DDO: variants seen among roughly 807,000 people sequenced by gnomAD.
DDO encodes D-aspartate oxidase, DDO.
A neutral mutation model predicts 16.8 loss-of-function variants in DDO; 16 were observed. That is an observed-to-expected ratio of 0.95 (90% CI 0.65 to 1.45). The LOEUF is 1.45. Among genes scored for constraint, DDO ranks in the 40% most tolerant of loss-of-function variants. DDO has a pLI of 0.00. For synonymous variants in DDO, 180 were observed against 167.2 expected (o/e 1.08, Z -0.59); for missense variants, 429 against 420.3 (o/e 1.02, Z -0.18).
intron 2 of DDO, among the ~76,000 whole-genome samples, chr6:110,410,095 G>A (rs942734734): frequency 1.4e-4 from 21 of 152,228 alleles, no homozygotes; most frequent in African/African-American, 4.8e-4. Context: ...TCTCCATATG[G>A]TATTGACATT....
intron 2 of DDO, among the ~76,000 whole-genome samples, chr6:110,411,353 C>T (rs151013858): frequency 1.8e-4 from 27 of 152,094 alleles, no homozygotes; most frequent in African/African-American, 6.3e-4. Context: ...AAACCTCTAT[C>T]ATGAAAAATG....
rs1773725987 is a variant in DDO, at chr6:110,408,320, A to G, written c.281+14T>C. 6.2e-7 allele frequency: 1 copy of G among 1,611,476 alleles called. No homozygotes were observed. On this transcript the variant is annotated intron_variant, in intron 3 of 4. Coordinates refer to ENST00000368924, the MANE Select transcript of DDO (RefSeq NM_001372108.2). ...ATGCTACACTCTAAAATAACTTCAA[A>G]TTTCTTCACTTACCCTGATACCAAA...
chr6:110,392,770 G>A lies in DDO; in HGVS notation c.*5C>T. 6.5e-7 allele frequency: 1 copy of A among 1,530,050 alleles called. No individual in the cohort carries two copies. The highest frequency in any genetic ancestry group is 8.8e-7 in the Non-Finnish European group (1 of 1,139,144). 94.8% of individuals were successfully genotyped at this position (1,530,050 alleles called of 1,614,324 possible). On this transcript the variant is annotated 3_prime_UTR_variant, in exon 5 of 5. Coordinates refer to ENST00000368924, the MANE Select transcript of DDO (RefSeq NM_001372108.2). ...CTCAGTCTCTTTGCTGTCATTTTAT[G>A]TCATCTACAGGTTTGACTTGGGAAT...
intron 4 of DDO, among the ~76,000 whole-genome samples, chr6:110,394,144 A>T (rs1773211665): frequency 6.6e-6 from 1 of 151,464 alleles, no homozygotes; most frequent in Non-Finnish European, 1.5e-5. Context: ...TCACTCTGTC[A>T]CCCAGGCTGG....
At chr6:110,414,521 G>A (rs1432098686) in intron 1 of DDO, among the ~76,000 whole-genome samples, 3 of 152,254 alleles carry the variant, frequency 2.0e-5, no homozygotes, top group Non-Finnish European at 4.4e-5. Flanking sequence ...CGGGCCAGGT[G>A]TCCTGAGGCT....
At position 110,415,453 on chromosome 6, in the gene DDO, A is replaced by G; in HGVS notation, c.-5+14T>C. On this transcript the variant is annotated intron_variant, in intron 1 of 4. Transcript: ENST00000368924. Reference sequence around the variant, plus strand: ...ACGGAACGACCCCTCAGCTGAAAGCAAGAATTCAAGTACCTGTCTCTGAAA... The same window carrying G: ...ACGGAACGACCCCTCAGCTGAAAGCGAGAATTCAAGTACCTGTCTCTGAAA... 1 of 1,614,130 alleles carries G rather than the reference A, an allele frequency of 6.2e-7. No individual in the cohort carries two copies. The highest frequency in any genetic ancestry group is 8.5e-7 in the Non-Finnish European group (1 of 1,179,968).
At chr6:110,415,364 A>C in intron 1 of DDO, 103 bp downstream of exon 1, 1 of 1,484,928 alleles carries the variant, frequency 6.7e-7, no homozygotes, top group Non-Finnish European at 9.1e-7. Flanking sequence ...GTCCTGGCAC[A>C]GTGGCCTGTC....
rs1259647065 is a variant in DDO, at chr6:110,404,850, G to A, written c.382C>T (p.Pro128Ser). 1 of 1,614,146 alleles carries A rather than the reference G, an allele frequency of 6.2e-7. No homozygotes were observed. Among genetic ancestry groups the A allele is most frequent in the African/African-American group, 1.3e-5 (1 of 75,024 alleles). The change falls in exon 4 of 5, where the codon CCC becomes TCC. Residue 128 changes from proline to serine, a missense_variant. Physicochemically the swap from Pro to Ser is moderately conservative, Grantham distance 74 (BLOSUM62 -1). Coordinates refer to ENST00000368924, the MANE Select transcript of DDO (RefSeq NM_001372108.2). Reference sequence around the variant, plus strand: ...AAAGCCTGACCAAACACATACTGGGGGAATTTCTTCAGCTCAGCCTCAGTC... The same window carrying A: ...AAAGCCTGACCAAACACATACTGGGAGAATTTCTTCAGCTCAGCCTCAGTC... ...KMTEAELKKF[P>S]QYVFGQAFTT...
chr6:110,413,258 A>G (rs751068927), intron 2 of DDO, 33 bp downstream of exon 2: 7 of 1,604,804 alleles, frequency 4.4e-6, no homozygotes, highest in African/African-American at 2.7e-5. Flanking sequence ...TCTGACATCT[A>G]TTGTATCTGA....
intron 4 of DDO, among the ~76,000 whole-genome samples, chr6:110,402,020 C>T (rs778225765): frequency 6.6e-5 from 10 of 152,312 alleles, no homozygotes; most frequent in Non-Finnish European, 1.3e-4. Context: ...TGCAGGACCT[C>T]AATCCGATCC....
downstream of DDO, among the ~76,000 whole-genome samples, chr6:110,388,336 A>C (rs565296672): frequency 6.6e-6 from 1 of 152,328 alleles, no homozygotes; most frequent in Non-Finnish European, 1.5e-5. Context: ...AAAATGCTAC[A>C]TTTATTTCAA....
rs1044538261 is a variant in DDO, at chr6:110,415,384, CCCCTGA to C, written c.-5+77_-5+82del. ...GGCACAGTGGCCTGTCCATCACTGT[CCCCTGA>C]CCCTATTCAGACACACTCCCAAACT... On this transcript the variant is annotated intron_variant, in intron 1 of 4. Transcript: ENST00000368924. 6.2e-5 allele frequency: 97 copies of C among 1,569,448 alleles called. No individual in the cohort carries two copies. In the African/African-American group the frequency reaches 1.2e-3, roughly 19 times the overall value.
At chr6:110,408,922 C>T (rs558469932) in intron 2 of DDO, among the ~76,000 whole-genome samples, 4 of 152,330 alleles carry the variant, frequency 2.6e-5, no homozygotes, top group Admixed American at 1.3e-4. Flanking sequence ...CCAGGCCAAC[C>T]GGGACAGAGA....
chr6:110,410,546 A>T (rs773002589), intron 2 of DDO, among the ~76,000 whole-genome samples: 2 of 152,222 alleles, frequency 1.3e-5, no homozygotes, highest in Non-Finnish European at 2.9e-5. Flanking sequence ...GAAACTTACG[A>T]TCGTGGTGGA....
chr6:110,398,736 GAA>G (rs149090599), intron 4 of DDO, among the ~76,000 whole-genome samples: 2,259 of 152,258 alleles, frequency 0.015, 26 homozygotes, highest in African/African-American at 0.028. Context: ...TACAGGAGAA[GAA>G]AAAGATGGGC....
chr6:110,413,398 A>T lies in DDO; in HGVS notation c.65T>A (p.Ile22Asn), dbSNP rs778995397. The part of the protein sequence containing the change: ...GVVGLSTAVC[I>N]SKLVPRCSVT... Reference sequence around the variant, plus strand: ...GGAGCATCGGGGCACCAGTTTGGAGATGCACACAGCCGTGGAGAGCCCCAC... The same window carrying T: ...GGAGCATCGGGGCACCAGTTTGGAGTTGCACACAGCCGTGGAGAGCCCCAC... Residue 22 changes from isoleucine to asparagine, a missense_variant, in exon 2 of 5, where the codon ATC becomes AAC. Coordinates refer to ENST00000368924, the MANE Select transcript of DDO (RefSeq NM_001372108.2). 3.7e-6 allele frequency: 6 copies of T among 1,614,058 alleles called. No homozygotes were observed. The highest frequency in any genetic ancestry group is 1.1e-5 in the South Asian group (1 of 91,068).
rs761622108 is a variant in DDO, at chr6:110,415,467, C to A, written c.-5G>T. The A allele has an allele frequency of 2.5e-6, 4 of 1,614,168 alleles. No homozygotes were observed. The highest frequency in any genetic ancestry group is 3.4e-6 in the Non-Finnish European group (4 of 1,180,010). Reference sequence around the variant, plus strand: ...CAGCTGAAAGCAAGAATTCAAGTACCTGTCTCTGAAAAAGCAGTCTTGGAA... The same window carrying A: ...CAGCTGAAAGCAAGAATTCAAGTACATGTCTCTGAAAAAGCAGTCTTGGAA... On this transcript the variant is annotated splice_region_variant and 5_prime_UTR_variant, in exon 1 of 5. In the 5' UTR this introduces an upstream ATG that the reference lacks. Transcript: ENST00000368924.
intron 4 of DDO, 101 bp downstream of exon 4, chr6:110,404,673 T>C: frequency 1.5e-6 from 2 of 1,329,202 alleles, no homozygotes; most frequent in Non-Finnish European, 2.1e-6. Context: ...GAAAGAGCTC[T>C]GAGGGATGCC....
intron 4 of DDO, among the ~76,000 whole-genome samples, chr6:110,396,649 T>A (rs1206916590): frequency 6.6e-6 from 1 of 152,178 alleles, no homozygotes; most frequent in African/African-American, 2.4e-5. Flanking sequence ...TTTGATGTAA[T>A]TAAAAGTAGT....
Sources: allele counts gnomAD v4.1 joint callset (sites outside exome capture counted in the v4.1 genomes callset), GRCh38; gene constraint gnomAD v4.1.1; transcripts MANE v1.5; gene names NCBI Gene and HGNC (gene_info 2026-07-23, HGNC 2026-07-21).